Variants in ZNF407 observed in about 807,000 individuals in gnomAD.
The protein encoded by ZNF407 is zinc finger protein 407.
In ZNF407, 17 loss-of-function variants were observed where a neutral mutation model predicts 131.2. The observed-to-expected ratio is 0.13, with a 90% CI of 0.09 to 0.19. The LOEUF is 0.19. ZNF407 is among the 10% of genes least tolerant of loss of function. The pLI, the probability that ZNF407 is intolerant of heterozygous loss-of-function variation, is 1.00. For synonymous variants in ZNF407, 1,156 were observed against 1,062.0 expected, an observed-to-expected ratio of 1.09 and a Z score of -1.72; for missense variants, 2,681 against 2,830.6, an observed-to-expected ratio of 0.95 and a Z score of 1.20.
At chr18:74,685,200 A>AT (rs1214651033) in intron 3 of ZNF407, among the ~76,000 whole-genome samples, 7 of 151,918 alleles carry the variant, frequency 4.6e-5, no homozygotes, top group Admixed American at 3.3e-4. Flanking sequence ...TTAATTGTCT[A>AT]TTTTTTTTCA....
chr18:74,958,755 G>A (rs1444194998), intron 8 of ZNF407, among the ~76,000 whole-genome samples: 7 of 152,192 alleles, frequency 4.6e-5, no homozygotes, highest in Non-Finnish European at 8.8e-5. Flanking sequence ...AGCAAAAAGT[G>A]TTCTGCACTA....
chr18:74,791,540 G>C (rs1969825839), intron 4 of ZNF407, among the ~76,000 whole-genome samples: 1 of 152,162 alleles, frequency 6.6e-6, no homozygotes, highest in Non-Finnish European at 1.5e-5. Flanking sequence ...TGGTGAAGCT[G>C]ACATGAATTT....
At chr18:74,916,518 G>C (rs1407488472) in intron 7 of ZNF407, among the ~76,000 whole-genome samples, 1 of 122,068 alleles carries the variant, frequency 8.2e-6, no homozygotes, top group Non-Finnish European at 1.6e-5. Context: ...GTGCTGGTAT[G>C]GTGAGGTTGT....
At chr18:74,787,505 C>A (rs1969742063) in intron 4 of ZNF407, among the ~76,000 whole-genome samples, 1 of 152,198 alleles carries the variant, frequency 6.6e-6, no homozygotes, top group African/African-American at 2.4e-5. Context: ...CAGGCAGATA[C>A]TTATGGCTCC....
intron 3 of ZNF407, among the ~76,000 whole-genome samples, chr18:74,767,138 C>T (rs1969252048): frequency 6.6e-6 from 1 of 152,172 alleles, no homozygotes; most frequent in Non-Finnish European, 1.5e-5. Flanking sequence ...CCTCGATCTC[C>T]TGACCTCAGG....
intron 3 of ZNF407, among the ~76,000 whole-genome samples, chr18:74,673,886 T>G (rs2144758527): frequency 6.6e-6 from 1 of 152,340 alleles, no homozygotes; most frequent in Non-Finnish European, 1.5e-5. Flanking sequence ...AAACACATGG[T>G]TCTAAATATT....
At chr18:74,742,639 T>A (rs1968576580) in intron 3 of ZNF407, among the ~76,000 whole-genome samples, 1 of 152,190 alleles carries the variant, frequency 6.6e-6, no homozygotes, top group African/African-American at 2.4e-5. Context: ...GGAAGAGTGA[T>A]AGAGTATTTT....
intron 3 of ZNF407, among the ~76,000 whole-genome samples, chr18:74,699,312 T>C (rs1296365694): frequency 1.3e-5 from 2 of 152,210 alleles, no homozygotes. Context: ...GGTTTTGTTT[T>C]TATCCTCATT....
At chr18:74,784,273 A>C (rs916991178) in intron 4 of ZNF407, among the ~76,000 whole-genome samples, 2 of 152,378 alleles carry the variant, frequency 1.3e-5, no homozygotes, top group East Asian at 3.9e-4. Context: ...ATTCTAATGC[A>C]TTGCATATTA....
At chr18:74,938,408 A>C (rs977137058) in intron 8 of ZNF407, among the ~76,000 whole-genome samples, 1 of 152,104 alleles carries the variant, frequency 6.6e-6, no homozygotes, top group Non-Finnish European at 1.5e-5. Context: ...CTTTCCACCT[A>C]TTTCTTGACT....
At chr18:74,888,473 G>A (rs376575275) in intron 6 of ZNF407, among the ~76,000 whole-genome samples, 1 of 151,914 alleles carries the variant, frequency 6.6e-6, no homozygotes, top group East Asian at 1.9e-4. Context: ...TTTGTACTAC[G>A]ATTTTGAAAT....
intron 3 of ZNF407, among the ~76,000 whole-genome samples, chr18:74,750,961 T>C (rs1199237626): frequency 1.3e-5 from 2 of 152,214 alleles, no homozygotes; most frequent in Admixed American, 1.3e-4. Context: ...TTATGTGCTT[T>C]ATATTGCCTA....
chr18:75,037,671 G>A (rs35743321), intron 8 of ZNF407, among the ~76,000 whole-genome samples: 1,959 of 152,256 alleles, frequency 0.013, 22 homozygotes, highest in Non-Finnish European at 0.019. Flanking sequence ...GGTAATGCTC[G>A]CGCTGGAATT....
intron 4 of ZNF407, among the ~76,000 whole-genome samples, chr18:74,872,766 G>A (rs149395468): frequency 0.02 from 2,417 of 120,228 alleles, 2 homozygotes; most frequent in Non-Finnish European, 0.023. Flanking sequence ...AAAAAAAAAA[G>A]AAAAAAAAAA....
intron 4 of ZNF407, among the ~76,000 whole-genome samples, chr18:74,792,704 CTTCT>C (rs1171444749): frequency 1.3e-5 from 2 of 151,940 alleles, no homozygotes; most frequent in Non-Finnish European, 2.9e-5. Flanking sequence ...AAATATTCTT[CTTCT>C]TTATTTTCAA....
At chr18:74,752,949 T>C (rs1181864443) in intron 3 of ZNF407, among the ~76,000 whole-genome samples, 4 of 152,224 alleles carry the variant, frequency 2.6e-5, no homozygotes, top group Non-Finnish European at 5.9e-5. Context: ...GCATTGAATC[T>C]ATAAATTACC....
chr18:74,849,035 T>G (rs1165963424), intron 4 of ZNF407, among the ~76,000 whole-genome samples: 2 of 150,708 alleles, frequency 1.3e-5, no homozygotes, highest in African/African-American at 4.9e-5. Context: ...TGTGGTGACT[T>G]TGGGCTACTT....
chr18:74,801,937 T>C (rs1359345045), intron 4 of ZNF407, among the ~76,000 whole-genome samples: 1 of 152,190 alleles, frequency 6.6e-6, no homozygotes, highest in Non-Finnish European at 1.5e-5. Context: ...AAGAAAGTGC[T>C]CTTCCTTAAA....
chr18:74,805,891 TACTTG>T (rs1281753725), intron 4 of ZNF407, among the ~76,000 whole-genome samples: 1 of 152,248 alleles, frequency 6.6e-6, no homozygotes, highest in Non-Finnish European at 1.5e-5. Flanking sequence ...GAGATACTCC[TACTTG>T]ACTTCTCGAC....
Sources: gnomAD v4.1 joint callset for allele counts (sites outside exome capture counted in the v4.1 genomes callset) on GRCh38, gnomAD v4.1.1 for gene constraint, MANE v1.5 for transcripts, NCBI Gene and HGNC (gene_info 2026-07-23, HGNC 2026-07-21) for gene names.